AGPAT2: variants seen among roughly 807,000 people sequenced by gnomAD.
AGPAT2 encodes the protein 1-acylglycerol-3-phosphate O-acyltransferase 2.
Under a neutral mutation model 26.1 loss-of-function variants are expected in AGPAT2, and 18 were observed. The observed-to-expected ratio is 0.69, with a 90% CI of 0.48 to 1.02. The LOEUF is 1.02. AGPAT2 is among the 50% of genes least tolerant of loss of function. AGPAT2 has a pLI of 0.00. For synonymous variants in AGPAT2, 200 were observed against 174.2 expected (o/e 1.15, Z -1.16); for missense variants, 415 against 394.9 (o/e 1.05, Z -0.43).
At chr9:136,681,102 CTTT>C (rs141839033) in intron 1 of AGPAT2, among the ~76,000 whole-genome samples, 47 of 143,780 alleles carry the variant, frequency 3.3e-4, no homozygotes, top group Middle Eastern at 3.6e-3. Context: ...AAAACTTTTC[CTTT>C]TTTTTTTTTT....
In AGPAT2 at chr9:136,673,792, T is replaced by G. The variant is rs1846045443; in HGVS notation, c.797A>C (p.Asn266Thr). ...CACGCCAGACCCCGCAGTGGCCCCG[T>G]TCTCCTGGGGGGTCTTGGAGATGTG... ...FLHISKTPQENGATAGSGVQP... is the reference protein window; with the variant it reads ...FLHISKTPQETGATAGSGVQP... Residue 266 changes from asparagine to threonine, a missense_variant, in exon 6 of 6, where the codon AAC (asparagine) becomes ACC (threonine). Coordinates refer to ENST00000371696, the MANE Select transcript of AGPAT2 (RefSeq NM_006412.4). 1 of 1,604,726 alleles carries G rather than the reference T, an allele frequency of 6.2e-7. No individual in the cohort carries two copies. Among genetic ancestry groups the G allele is most frequent in the Non-Finnish European group, 8.5e-7 (1 of 1,177,138 alleles).
In AGPAT2 at chr9:136,677,526, C is replaced by G; in HGVS notation, c.213G>C (p.Lys71Asn). 1 of 1,612,958 alleles carries G rather than the reference C, an allele frequency of 6.2e-7. No individual in the cohort carries two copies. The highest frequency in any genetic ancestry group is 8.5e-7 in the Non-Finnish European group (1 of 1,179,954). The change falls in exon 2 of 6, where the codon AAG (lysine) becomes AAC (asparagine). Residue 71 changes from lysine (K) to asparagine (N), a missense_variant. Physicochemically the swap from Lys to Asn is moderately conservative, Grantham distance 94 (BLOSUM62 0). Transcript: ENST00000371696. ...CCTCGAAGCGGAGCCCGTAAAAGTA[C>G]TTGAAGCTTCGCACGAACCAGCCGA... ...SIIGWFVRSF[K>N]YFYGLRFEVR...
chr9:136,674,730 G>A lies in AGPAT2; in HGVS notation c.661+5C>T, dbSNP rs759476935. On this transcript the variant is annotated splice_donor_5th_base_variant and intron_variant, in intron 5 of 5. Transcript: ENST00000371696. ...TACACCCCGGGTGCACACATGTGGGGGTACCTGAAGTGAAGAACTTCTTCT... is the reference window on the plus strand; with the variant it reads ...TACACCCCGGGTGCACACATGTGGGAGTACCTGAAGTGAAGAACTTCTTCT... 3.4e-6 allele frequency: 5 copies of A among 1,484,966 alleles called. No homozygotes were observed. In the Admixed American group the frequency reaches 6.5e-5, roughly 19 times the overall value. The allele number at this position is 1,484,966 out of a possible 1,614,324, so 92.0% of individuals were successfully genotyped here.
chr9:136,686,789 C>G (rs990077238), intron 1 of AGPAT2, among the ~76,000 whole-genome samples: 1 of 152,248 alleles, frequency 6.6e-6, no homozygotes, highest in African/African-American at 2.4e-5. Flanking sequence ...CCCGCCGCCC[C>G]GGCCTCGGTT....
chr9:136,675,156 C>G (rs767350200), intron 4 of AGPAT2, among the ~76,000 whole-genome samples: 12 of 152,144 alleles, frequency 7.9e-5, no homozygotes, highest in Non-Finnish European at 1.6e-4. Flanking sequence ...CTCTTCCCTG[C>G]CCACGCCTCT....
At chr9:136,684,905 C>A (rs1389014574) in intron 1 of AGPAT2, among the ~76,000 whole-genome samples, 1 of 152,200 alleles carries the variant, frequency 6.6e-6, no homozygotes, top group East Asian at 1.9e-4. Context: ...CTTCCAGCCC[C>A]CCGGGTCCCT....
rs376390282 is a variant in AGPAT2, at chr9:136,687,359, G to A, written c.-2C>T. The A allele has an allele frequency of 1.4e-6, 2 of 1,476,688 alleles. No homozygotes were observed. The highest frequency in any genetic ancestry group is 1.5e-5 in the African/African-American group (1 of 68,406). 91.5% of individuals were successfully genotyped at this position (1,476,688 alleles called of 1,614,324 possible). A position where few individuals can be genotyped will look rare whatever the true frequency, so the allele number is the denominator to read the frequency against. ...GGCCAGACACGGCCACAGCTCCATG[G>A]CCCGGCCCGGCGCCCGACGGCGCCG... On this transcript the variant is annotated 5_prime_UTR_variant, in exon 1 of 6. Coordinates refer to ENST00000371696, the MANE Select transcript of AGPAT2 (RefSeq NM_006412.4).
chr9:136,677,163 G>A (rs746377595), intron 2 of AGPAT2, 27 bp from the exon 3 acceptor site: 1 of 1,611,366 alleles, frequency 6.2e-7, no homozygotes. Flanking sequence ...CAGAGACAGA[G>A]AGAGAGGGGG....
chr9:136,679,335 G>C (rs1846132526), intron 1 of AGPAT2, among the ~76,000 whole-genome samples: 1 of 152,220 alleles, frequency 6.6e-6, no homozygotes, highest in Non-Finnish European at 1.5e-5. Context: ...CCCTGTTGCA[G>C]ATGGGGAAAC....
rs1362416121 is a variant in AGPAT2, at chr9:136,673,787, C to A, written c.802G>T (p.Ala268Ser). ...GGCTGCACGCCAGACCCCGCAGTGGCCCCGTTCTCCTGGGGGGTCTTGGAG... is the reference window on the plus strand; with the variant it reads ...GGCTGCACGCCAGACCCCGCAGTGGACCCGTTCTCCTGGGGGGTCTTGGAG... ...HISKTPQENGATAGSGVQPAQ is the reference protein window; with the variant it reads ...HISKTPQENGSTAGSGVQPAQ The change falls in exon 6 of 6, where the codon GCC becomes TCC. Residue 268 changes from alanine (A) to serine (S), a missense_variant. Physicochemically the swap from Ala to Ser is moderately conservative, Grantham distance 99 (BLOSUM62 1). Coordinates refer to ENST00000371696, the MANE Select transcript of AGPAT2 (RefSeq NM_006412.4). 1 of 1,603,938 alleles carries A rather than the reference C, an allele frequency of 6.2e-7. No individual in the cohort carries two copies. The highest frequency in any genetic ancestry group is 1.1e-5 in the South Asian group (1 of 89,342).
intron 1 of AGPAT2, among the ~76,000 whole-genome samples, chr9:136,682,834 G>A (rs1846178195): frequency 6.6e-6 from 1 of 152,168 alleles, no homozygotes; most frequent in Non-Finnish European, 1.5e-5. Context: ...CAGACCGCCT[G>A]AGCTCAGCCC....
chr9:136,683,687 C>T (rs1015421271), intron 1 of AGPAT2, among the ~76,000 whole-genome samples: 1 of 152,078 alleles, frequency 6.6e-6, no homozygotes. Context: ...GTGTGGCGGG[C>T]GGGAAGGAGG....
rs762472184 is a variant in AGPAT2, at chr9:136,687,242, G to A, written c.116C>T (p.Thr39Met). ...KVALYCALCFTVSAVASLVCL... is the reference protein window; with the variant it reads ...KVALYCALCFMVSAVASLVCL... ...GACGAGCGAGGCCACGGCGGACACCGTGAAGCACAGCGCGCAGTACAGGGC... is the reference window on the plus strand; with the variant it reads ...GACGAGCGAGGCCACGGCGGACACCATGAAGCACAGCGCGCAGTACAGGGC... The change falls in exon 1 of 6, where the codon ACG (threonine) becomes ATG (methionine). Residue 39 changes from threonine (T) to methionine (M), a missense_variant. Physicochemically the swap from Thr to Met is moderately conservative, Grantham distance 81. Transcript: ENST00000371696. 2.1e-5 allele frequency: 33 copies of A among 1,594,884 alleles called. 1 individual carries two copies. In the South Asian group the frequency reaches 2.8e-4, roughly 14 times the overall value.
chr9:136,686,080 T>C (rs1175054906), intron 1 of AGPAT2, among the ~76,000 whole-genome samples: 1 of 152,202 alleles, frequency 6.6e-6, no homozygotes, highest in African/African-American at 2.4e-5. Flanking sequence ...ATGCTCACCA[T>C]CAGGCCCAGG....
chr9:136,677,161 G>T (rs1293511310), intron 2 of AGPAT2, 25 bp from the exon 3 acceptor site: 1 of 1,609,406 alleles, frequency 6.2e-7, no homozygotes, highest in Non-Finnish European at 8.5e-7. Flanking sequence ...GACAGAGACA[G>T]AGAGAGAGGG....
rs764844105 is a variant in AGPAT2 at position 136,673,779 on chromosome 9, C to T, written c.810G>A (p.Ala270=). ...ACTGGGCCGGCTGCACGCCAGACCC[C>T]GCAGTGGCCCCGTTCTCCTGGGGGG... ...SKTPQENGAT[A]GSGVQPAQ Residue 270 remains alanine, a synonymous_variant, in exon 6 of 6, where the codon GCG becomes GCA. Transcript: ENST00000371696. The T allele has an allele frequency of 6.3e-5, 101 of 1,601,872 alleles. No individual in the cohort carries two copies. The highest frequency in any genetic ancestry group is 1.0e-4 in the South Asian group (9 of 89,028).
chr9:136,679,058 A>G (rs1564292573), intron 1 of AGPAT2, among the ~76,000 whole-genome samples: 1 of 152,124 alleles, frequency 6.6e-6, no homozygotes, highest in Non-Finnish European at 1.5e-5. Flanking sequence ...CCGGCCTTTA[A>G]AAAAAAATTG....
chr9:136,676,780 G>A lies in AGPAT2; in HGVS notation c.493-100C>T, dbSNP rs1161529543. 1.3e-5 allele frequency: 17 copies of A among 1,336,320 alleles called. No homozygotes were observed. In the East Asian group the frequency reaches 3.1e-4, roughly 24 times the overall value. The allele number at this position is 1,336,320 out of a possible 1,614,324, so 82.8% of individuals were successfully genotyped here. On this transcript the variant is annotated intron_variant, in intron 3 of 5. Transcript: ENST00000371696. ...AGAAGCCCCACTTCGCAAAGCAGCT[G>A]GCATGGGACCCCATCTGCGGAGCAT...
At chr9:136,677,194 CAG>C in intron 2 of AGPAT2, 58 bp from the exon 3 acceptor site, 1 of 1,595,392 alleles carries the variant, frequency 6.3e-7, no homozygotes, top group Non-Finnish European at 8.6e-7. Flanking sequence ...CGCTGGAAGA[CAG>C]CTGCTGAGCA....
Sources: gnomAD v4.1 joint callset for allele counts (sites outside exome capture counted in the v4.1 genomes callset) on GRCh38, gnomAD v4.1.1 for gene constraint, MANE v1.5 for transcripts, NCBI Gene and HGNC (gene_info 2026-07-23, HGNC 2026-07-21) for gene names.